Variants in CSMD3 observed in about 807,000 individuals in gnomAD.
CSMD3 encodes CUB and Sushi multiple domains 3, also known as CUB and sushi domain-containing protein 3.
A neutral mutation model predicts 435.2 loss-of-function variants in CSMD3; 177 were observed. That is an observed-to-expected ratio of 0.41 (90% CI 0.36 to 0.46). The LOEUF (loss-of-function observed/expected upper bound fraction) is 0.46, where lower values mean the gene tolerates loss of function less well. Ranked by LOEUF, CSMD3 falls within the 20% of genes least tolerant of loss-of-function variation. The pLI is 0.34. For synonymous variants in CSMD3, 1,656 were observed against 1,520.5 expected (o/e 1.09, Z -2.07); for missense variants, 4,265 against 4,504.6 (o/e 0.95, Z 1.52).
intron 13 of CSMD3, among the ~76,000 whole-genome samples, chr8:112,737,312 C>T (rs1041536367): frequency 6.6e-6 from 1 of 152,088 alleles, no homozygotes; most frequent in African/African-American, 2.4e-5. Context: ...CATTTCAGCA[C>T]CATCTCTGGA....
Position 112,650,477 on chromosome 8 carries a change from T to C in CSMD3, c.3005-128A>G, listed in dbSNP as rs2075097559. 3 of 770,212 alleles carry C rather than the reference T, an allele frequency of 3.9e-6. No individual in the cohort carries two copies. The African/African-American group carries it at 5.2e-5, about 13-fold the overall frequency. The allele number at this position is 770,212 out of a possible 1,614,324, so 47.7% of individuals were successfully genotyped here. On this transcript the variant is annotated intron_variant, in intron 18 of 70. Transcript: ENST00000297405. ...AAATAAAGGTACTCGTACTTCATTT[T>C]TAAAATCAGCAATTTATTTAATAAA...
chr8:113,355,633 T>C (rs1445189419), intron 1 of CSMD3, among the ~76,000 whole-genome samples: 2 of 150,452 alleles, frequency 1.3e-5, no homozygotes, highest in Non-Finnish European at 3.0e-5. Flanking sequence ...ATACGAATTT[T>C]AGGGGGACAC....
At chr8:112,395,841 T>A (rs1041123096) in intron 35 of CSMD3, among the ~76,000 whole-genome samples, 1 of 152,160 alleles carries the variant, frequency 6.6e-6, no homozygotes, top group South Asian at 2.1e-4. Flanking sequence ...AAAAACTCAG[T>A]CTTCAGCATA....
Position 112,722,344 on chromosome 8 carries a change from A to C in CSMD3, c.1973-32294T>G, listed in dbSNP as rs574311706. 6.6e-4 allele frequency among the ~76,000 whole-genome samples: 101 copies of C among 152,282 alleles called. 1 individual carries two copies. The South Asian group carries it at 0.019, about 28-fold the overall frequency. ...TTTTTGGGCAAACTGGGTATATTGAAAATGGATTGTACAGTAGATAACATT... is the reference window on the plus strand; with the variant it reads ...TTTTTGGGCAAACTGGGTATATTGACAATGGATTGTACAGTAGATAACATT... On this transcript the variant is annotated intron_variant, in intron 13 of 70. Transcript: ENST00000297405.
chr8:113,373,490 A>G (rs1258824216), intron 1 of CSMD3, among the ~76,000 whole-genome samples: 2 of 152,026 alleles, frequency 1.3e-5, no homozygotes, highest in African/African-American at 4.8e-5. Flanking sequence ...GTATATGTAT[A>G]TAAATGCACA....
In CSMD3 at chr8:112,921,289, C is replaced by G. The variant is rs75161106; in HGVS notation, c.1633+338G>C. Among the ~76,000 whole-genome samples the G allele has an allele frequency of 3.8e-3, 577 of 152,028 alleles. 6 individuals are homozygous for G. Among genetic ancestry groups the G allele is most frequent in the African/African-American group, 0.013 (539 of 41,506 alleles). ...TAAGCAATTCAAATGGCAAACTATG[C>G]AAGTGGAGAAGAAATTACGGCTTTA... On this transcript the variant is annotated intron_variant, in intron 10 of 70. Transcript: ENST00000297405.
At chr8:112,783,893 A>T (rs2078467338) in intron 13 of CSMD3, among the ~76,000 whole-genome samples, 1 of 152,040 alleles carries the variant, frequency 6.6e-6, no homozygotes, top group Admixed American at 6.6e-5. Context: ...CAGCAAGAGG[A>T]TATAAAACTA....
intron 1 of CSMD3, among the ~76,000 whole-genome samples, chr8:113,358,572 C>T (rs939922174): frequency 1.3e-5 from 2 of 151,708 alleles, no homozygotes; most frequent in African/African-American, 2.4e-5. Context: ...AGGCTGGTCT[C>T]GATAAAAATA....
intron 4 of CSMD3, among the ~76,000 whole-genome samples, chr8:113,131,945 T>G (rs2091294915): frequency 6.6e-6 from 1 of 152,200 alleles, no homozygotes; most frequent in Non-Finnish European, 1.5e-5. Flanking sequence ...TTCTCCCACC[T>G]TGCCTCAGCA....
intron 12 of CSMD3, among the ~76,000 whole-genome samples, chr8:112,804,651 ATTTAT>A (rs141780935): frequency 0.18 from 1,660 of 9,148 alleles, 23 homozygotes; most frequent in African/African-American, 0.43. Flanking sequence ...AACTCATTGC[ATTTAT>A]TTTATTTTAT....
At chr8:112,545,731 T>G (rs575032249) in intron 27 of CSMD3, among the ~76,000 whole-genome samples, 11 of 152,200 alleles carry the variant, frequency 7.2e-5, no homozygotes, top group African/African-American at 2.6e-4. Context: ...GTATTTGTCT[T>G]TCAGATGTAA....
chr8:113,159,116 A>C (rs2131825756), intron 4 of CSMD3, among the ~76,000 whole-genome samples: 1 of 152,152 alleles, frequency 6.6e-6, no homozygotes, highest in East Asian at 1.9e-4. Flanking sequence ...AAATGTTTAC[A>C]AATATTTTTG....
intron 6 of CSMD3, among the ~76,000 whole-genome samples, chr8:112,997,161 G>A (rs1206726223): frequency 6.6e-6 from 1 of 151,644 alleles, no homozygotes; most frequent in Non-Finnish European, 1.5e-5. Flanking sequence ...TCAATGTTTA[G>A]TGATAATGGT....
chr8:112,691,455 A>G (rs1266943800), intron 13 of CSMD3, among the ~76,000 whole-genome samples: 2 of 151,194 alleles, frequency 1.3e-5, no homozygotes, highest in African/African-American at 4.9e-5. Flanking sequence ...TCTGAGTACC[A>G]TTTTTTTTCT....
chr8:112,411,819 C>T (rs1246251572), intron 32 of CSMD3, among the ~76,000 whole-genome samples: 3 of 152,040 alleles, frequency 2.0e-5, no homozygotes, highest in East Asian at 3.9e-4. Flanking sequence ...TCTGAATAGC[C>T]AAAGGTATTT....
chr8:112,348,504 T>A (rs1163494652), intron 40 of CSMD3, among the ~76,000 whole-genome samples: 1 of 152,162 alleles, frequency 6.6e-6, no homozygotes, highest in Non-Finnish European at 1.5e-5. Context: ...CTCCTTACAA[T>A]ATTGCTATTG....
At chr8:112,704,776 C>T (rs1448809970) in intron 13 of CSMD3, among the ~76,000 whole-genome samples, 1 of 152,088 alleles carries the variant, frequency 6.6e-6, no homozygotes, top group East Asian at 1.9e-4. Flanking sequence ...AATGTACGTA[C>T]TTCAAACATT....
At chr8:113,366,300 C>CA (rs2094310935) in intron 1 of CSMD3, among the ~76,000 whole-genome samples, 1 of 151,858 alleles carries the variant, frequency 6.6e-6, no homozygotes, top group African/African-American at 2.4e-5. Context: ...CTTTATAGGA[C>CA]ACAAGGATAA....
intron 23 of CSMD3, among the ~76,000 whole-genome samples, chr8:112,575,400 T>G (rs1829859346): frequency 1.3e-5 from 2 of 152,018 alleles, no homozygotes; most frequent in South Asian, 4.1e-4. Context: ...GAATTGAGAA[T>G]CTTAAGTTCA....
Sources: allele counts gnomAD v4.1 joint callset (sites outside exome capture counted in the v4.1 genomes callset), GRCh38; gene constraint gnomAD v4.1.1; transcripts MANE v1.5; gene names NCBI Gene and HGNC (gene_info 2026-07-23, HGNC 2026-07-21).